MACROD2: variants seen among roughly 807,000 people sequenced by gnomAD.
The protein encoded by MACROD2 is mono-ADP ribosylhydrolase 2.
MACROD2 carries 36 observed loss-of-function variants against 70.4 expected under a neutral mutation model. The observed-to-expected ratio is 0.51, with a 90% confidence interval of 0.39 to 0.68. The LOEUF is 0.68. MACROD2 is among the 30% of genes least tolerant of loss of function. The pLI is 0.00. For missense variants in MACROD2, 496 were observed against 538.4 expected, an observed-to-expected ratio of 0.92 and a Z score of 0.78; for synonymous variants, 172 against 178.8, an observed-to-expected ratio of 0.96 and a Z score of 0.30.
intron 8 of MACROD2, among the ~76,000 whole-genome samples, chr20:15,604,308 T>C (rs1242221521): frequency 1.3e-5 from 2 of 152,260 alleles, no homozygotes; most frequent in Non-Finnish European, 2.9e-5. Flanking sequence ...TTTCTCCCTC[T>C]GGCTTTTAAC....
At chr20:15,771,724 G>C (rs2051630578) in intron 8 of MACROD2, among the ~76,000 whole-genome samples, 1 of 151,964 alleles carries the variant, frequency 6.6e-6, no homozygotes, top group African/African-American at 2.4e-5. Context: ...TTATTTGCAA[G>C]CTTTGACTAG....
chr20:14,153,722 C>T (rs1033082735), intron 3 of MACROD2, among the ~76,000 whole-genome samples: 3 of 152,078 alleles, frequency 2.0e-5, no homozygotes, highest in Non-Finnish European at 2.9e-5. Flanking sequence ...CGAAAATAAT[C>T]ATATTAAGTT....
At chr20:15,349,186 TC>T (rs2078199825) in intron 6 of MACROD2, among the ~76,000 whole-genome samples, 1 of 152,202 alleles carries the variant, frequency 6.6e-6, no homozygotes, top group Admixed American at 6.5e-5. Context: ...CATGGAATGT[TC>T]GTGTCAACTC....
At chr20:14,714,002 G>A (rs1034420563) in intron 5 of MACROD2, among the ~76,000 whole-genome samples, 3 of 152,122 alleles carry the variant, frequency 2.0e-5, no homozygotes, top group Non-Finnish European at 2.9e-5. Context: ...CAGGACAGCA[G>A]GAGGCTGGGT....
At chr20:15,451,367 G>GC (rs1294374326) in intron 7 of MACROD2, among the ~76,000 whole-genome samples, 1 of 137,160 alleles carries the variant, frequency 7.3e-6, no homozygotes, top group Non-Finnish European at 1.5e-5. Flanking sequence ...TGCCTATGGT[G>GC]CTTTCCAAGG....
intron 3 of MACROD2, among the ~76,000 whole-genome samples, chr20:14,413,349 C>G (rs943613425): frequency 4.0e-5 from 6 of 151,192 alleles, no homozygotes; most frequent in African/African-American, 1.5e-4. Context: ...CCCTGTAAAA[C>G]TGATATTTAT....
chr20:14,466,853 T>A (rs950412082), intron 3 of MACROD2, among the ~76,000 whole-genome samples: 1 of 152,098 alleles, frequency 6.6e-6, no homozygotes, highest in African/African-American at 2.4e-5. Context: ...ACAGCAGATA[T>A]TGGTGAACCA....
chr20:14,386,942 C>A (rs911481437), intron 3 of MACROD2, among the ~76,000 whole-genome samples: 2 of 152,048 alleles, frequency 1.3e-5, no homozygotes, highest in Admixed American at 1.3e-4. Context: ...ATGCAAAAAT[C>A]GGGTTGAGGC....
intron 8 of MACROD2, among the ~76,000 whole-genome samples, chr20:15,691,743 C>G (rs1568977211): frequency 6.6e-6 from 1 of 152,160 alleles, no homozygotes; most frequent in Non-Finnish European, 1.5e-5. Context: ...TGCTTGCTGC[C>G]CAGCCTAGAG....
At chr20:14,148,341 T>G (rs1325011263) in intron 3 of MACROD2, among the ~76,000 whole-genome samples, 2 of 152,222 alleles carry the variant, frequency 1.3e-5, no homozygotes, top group Admixed American at 1.3e-4. Flanking sequence ...AATAAGCAGT[T>G]GAAGAAGATT....
intron 4 of MACROD2, among the ~76,000 whole-genome samples, chr20:14,512,326 G>A (rs549842920): frequency 0.023 from 1,111 of 48,726 alleles, 9 homozygotes; most frequent in African/African-American, 0.091. Flanking sequence ...CATTGAATTC[G>A]TAGTATGGGA....
chr20:15,084,288 G>T (rs770984970), intron 5 of MACROD2, among the ~76,000 whole-genome samples: 1 of 151,794 alleles, frequency 6.6e-6, no homozygotes. Flanking sequence ...TGCTGGTCTC[G>T]AAGTCCTGAC....
At chr20:14,064,277 A>G (rs181127743) in intron 2 of MACROD2, among the ~76,000 whole-genome samples, 4 of 152,096 alleles carry the variant, frequency 2.6e-5, no homozygotes, top group Non-Finnish European at 4.4e-5. Context: ...TTTCATTTAC[A>G]TGTGTACCTA....
chr20:15,934,758 T>C (rs1349997454), intron 11 of MACROD2, among the ~76,000 whole-genome samples: 2 of 152,096 alleles, frequency 1.3e-5, no homozygotes, highest in Non-Finnish European at 2.9e-5. Context: ...AGTGCAGTGG[T>C]GCAATCTCGG....
chr20:15,986,118 G>A (rs774081412), intron 13 of MACROD2, among the ~76,000 whole-genome samples: 1 of 152,208 alleles, frequency 6.6e-6, no homozygotes, highest in Non-Finnish European at 1.5e-5. Flanking sequence ...GGCCAGGCAG[G>A]CCCAGGCCTG....
intron 3 of MACROD2, among the ~76,000 whole-genome samples, chr20:14,446,141 G>T (rs6074740): frequency 0.26 from 38,897 of 151,934 alleles, 5,220 homozygotes; most frequent in Admixed American, 0.31. Context: ...ACCAAACTTT[G>T]TATTGCCACA....
In MACROD2 at chr20:15,799,124, T is replaced by C. The variant is rs115526817; in HGVS notation, c.646-63621T>C. Among the ~76,000 whole-genome samples, 673 of 152,294 alleles carry C rather than the reference T, an allele frequency of 4.4e-3. 5 individuals are homozygous for C. The highest frequency in any genetic ancestry group is 0.016 in the African/African-American group (646 of 41,550). Reference sequence around the variant, plus strand: ...ATGATCTTTTGGGAAATTGGGCCTATAGTTTTAAAAAAGATAAATATCAAT... The same window carrying C: ...ATGATCTTTTGGGAAATTGGGCCTACAGTTTTAAAAAAGATAAATATCAAT... On this transcript the variant is annotated intron_variant, in intron 8 of 17. Coordinates refer to ENST00000684519, the MANE Select transcript of MACROD2 (RefSeq NM_001351661.2).
chr20:14,860,573 T>C (rs980087365), intron 5 of MACROD2, among the ~76,000 whole-genome samples: 1 of 152,150 alleles, frequency 6.6e-6, no homozygotes, highest in African/African-American at 2.4e-5. Context: ...GTTTGCCTAA[T>C]TGCAACTTGT....
chr20:15,668,728 A>G (rs1268337972), intron 8 of MACROD2, among the ~76,000 whole-genome samples: 1 of 152,138 alleles, frequency 6.6e-6, no homozygotes, highest in Non-Finnish European at 1.5e-5. Context: ...CTCGTTTTCA[A>G]TTAGTAAGTG....
Sources: allele counts gnomAD v4.1 joint callset (sites outside exome capture counted in the v4.1 genomes callset), GRCh38; gene constraint gnomAD v4.1.1; transcripts MANE v1.5; gene names NCBI Gene and HGNC (gene_info 2026-07-23, HGNC 2026-07-21).